GNA14: variants seen among roughly 807,000 people sequenced by gnomAD.
The protein encoded by GNA14 is guanine nucleotide-binding protein subunit alpha-14.
A neutral mutation model predicts 42.0 loss-of-function variants in GNA14; 50 were observed. The observed-to-expected ratio is 1.19, with a 90% confidence interval of 0.95 to 1.51. The LOEUF (loss-of-function observed/expected upper bound fraction) is 1.51, where lower values mean the gene tolerates loss of function less well. Ranked by LOEUF, GNA14 falls within the 40% of genes most tolerant of loss-of-function variation. GNA14 has a pLI of 0.00. For missense variants in GNA14, 473 were observed against 446.2 expected (o/e 1.06, Z -0.54); for synonymous variants, 173 against 163.1 (o/e 1.06, Z -0.46).
At chr9:77,426,222 G>A (rs528518032) in intron 5 of GNA14, among the ~76,000 whole-genome samples, 2 of 152,124 alleles carry the variant, frequency 1.3e-5, no homozygotes, top group Non-Finnish European at 2.9e-5. Flanking sequence ...AGGACGCACT[G>A]CTACTGGGAA....
chr9:77,502,888 T>C (rs1836998674), intron 2 of GNA14, among the ~76,000 whole-genome samples: 1 of 152,188 alleles, frequency 6.6e-6, no homozygotes, highest in African/African-American at 2.4e-5. Context: ...GTCTTCTAGC[T>C]TGTCCTTTCT....
intron 1 of GNA14, among the ~76,000 whole-genome samples, chr9:77,568,755 C>G (rs1209485460): frequency 2.6e-5 from 4 of 152,118 alleles, no homozygotes; most frequent in Non-Finnish European, 4.4e-5. Context: ...GGGGGGCACT[C>G]CCTGGGTTAG....
At chr9:77,638,055 T>A (rs1456266000) in intron 1 of GNA14, among the ~76,000 whole-genome samples, 1 of 152,226 alleles carries the variant, frequency 6.6e-6, no homozygotes, top group Non-Finnish European at 1.5e-5. Flanking sequence ...TTGTTCTATC[T>A]GTAACATGGG....
intron 1 of GNA14, among the ~76,000 whole-genome samples, chr9:77,585,606 T>C (rs1823290437): frequency 6.6e-6 from 1 of 152,258 alleles, no homozygotes; most frequent in African/African-American, 2.4e-5. Flanking sequence ...CTCTCATCTC[T>C]GAATGTGACC....
chr9:77,453,934 C>T (rs1053811083), intron 2 of GNA14, among the ~76,000 whole-genome samples: 11 of 152,336 alleles, frequency 7.2e-5, no homozygotes, highest in Middle Eastern at 3.4e-3. Context: ...AGACTCCAGC[C>T]GATTCCATAG....
intron 5 of GNA14, among the ~76,000 whole-genome samples, chr9:77,426,243 G>GCCA (rs1023250878): frequency 1.1e-4 from 17 of 152,028 alleles, no homozygotes; most frequent in African/African-American, 4.1e-4. Context: ...CCCACCCTGT[G>GCCA]CCACACTTTA....
intron 1 of GNA14, among the ~76,000 whole-genome samples, chr9:77,589,188 G>T (rs934877348): frequency 2.0e-5 from 3 of 152,152 alleles, no homozygotes; most frequent in Non-Finnish European, 4.4e-5. Flanking sequence ...TGCATTTCTT[G>T]CAAGCCAAAC....
chr9:77,620,863 A>AG, intron 1 of GNA14, among the ~76,000 whole-genome samples: 1 of 152,014 alleles, frequency 6.6e-6, no homozygotes, highest in East Asian at 1.9e-4. Flanking sequence ...AAAAAAAAAA[A>AG]AAAAAAAAAA....
chr9:77,520,660 G>A (rs1310338096), intron 2 of GNA14, among the ~76,000 whole-genome samples: 1 of 152,086 alleles, frequency 6.6e-6, no homozygotes, highest in African/African-American at 2.4e-5. Flanking sequence ...CCGCCTCCGG[G>A]GTTCAAGAGA....
At chr9:77,520,255 A>G (rs1837334026) in intron 2 of GNA14, among the ~76,000 whole-genome samples, 1 of 152,040 alleles carries the variant, frequency 6.6e-6, no homozygotes, top group Admixed American at 6.6e-5. Flanking sequence ...CTCCAAAACA[A>G]CCCCAAAAGG....
chr9:77,618,290 C>T (rs113692359), intron 1 of GNA14, among the ~76,000 whole-genome samples: 3,851 of 151,930 alleles, frequency 0.025, 91 homozygotes, highest in Non-Finnish European at 0.038. Context: ...ATGTTTTCTC[C>T]GTGCTACTGA....
intron 1 of GNA14, among the ~76,000 whole-genome samples, chr9:77,591,725 A>ACTCC (rs965400413): frequency 6.6e-6 from 1 of 151,858 alleles, no homozygotes; most frequent in African/African-American, 2.4e-5. Flanking sequence ...TGGTAAATCC[A>ACTCC]CTCCCTGCTC....
intron 1 of GNA14, among the ~76,000 whole-genome samples, chr9:77,535,541 C>T (rs1220557231): frequency 2.0e-5 from 3 of 152,006 alleles, no homozygotes; most frequent in Non-Finnish European, 4.4e-5. Context: ...ATGCGAGACT[C>T]TGTCTAGGAA....
intron 2 of GNA14, among the ~76,000 whole-genome samples, chr9:77,442,698 C>G (rs942161067): frequency 2.0e-5 from 3 of 152,190 alleles, no homozygotes; most frequent in South Asian, 4.1e-4. Flanking sequence ...TCAAGTACCT[C>G]CAGACACCTG....
intron 2 of GNA14, among the ~76,000 whole-genome samples, chr9:77,500,397 T>C (rs976174376): frequency 2.0e-5 from 3 of 152,356 alleles, no homozygotes; most frequent in South Asian, 4.1e-4. Flanking sequence ...TTTGATATAA[T>C]TGAAGATTCA....
At chr9:77,459,851 T>G (rs1265938460) in intron 2 of GNA14, among the ~76,000 whole-genome samples, 1 of 152,112 alleles carries the variant, frequency 6.6e-6, no homozygotes, top group African/African-American at 2.4e-5. Context: ...CCTCCTGGCA[T>G]CTCTCGCCCA....
At chr9:77,496,496 G>T (rs987394803) in intron 2 of GNA14, among the ~76,000 whole-genome samples, 13 of 152,178 alleles carry the variant, frequency 8.5e-5, no homozygotes, top group Middle Eastern at 3.2e-3. Flanking sequence ...CCAGATATAG[G>T]AGTGGCTGAG....
chr9:77,434,093 G>T (rs1298012199), intron 3 of GNA14, among the ~76,000 whole-genome samples: 4 of 152,206 alleles, frequency 2.6e-5, no homozygotes, highest in Non-Finnish European at 2.9e-5. Context: ...CCTCAGATTT[G>T]ATTTGAGTCT....
intron 1 of GNA14, among the ~76,000 whole-genome samples, chr9:77,582,384 C>T (rs989504432): frequency 3.3e-5 from 5 of 152,210 alleles, no homozygotes; most frequent in African/African-American, 9.6e-5. Flanking sequence ...CTCCCCCTCC[C>T]CTACTGCTTT....
Sources: gnomAD v4.1 joint callset for allele counts (sites outside exome capture counted in the v4.1 genomes callset) on GRCh38, gnomAD v4.1.1 for gene constraint, MANE v1.5 for transcripts, NCBI Gene and HGNC (gene_info 2026-07-23, HGNC 2026-07-21) for gene names.